SLC28A1: variants seen among roughly 807,000 people sequenced by gnomAD.
The protein encoded by SLC28A1 is solute carrier family 28 member 1.
Under a neutral mutation model 74.8 loss-of-function variants are expected in SLC28A1, and 64 were observed. The ratio of observed to expected loss-of-function variants is 0.86; its 90% CI spans 0.70 to 1.05. SLC28A1 has a LOEUF of 1.05. Among genes scored for constraint, SLC28A1 ranks in the 50% least tolerant of loss-of-function variants. The pLI, the probability that SLC28A1 is intolerant of heterozygous loss-of-function variation, is 0.00. For synonymous variants in SLC28A1, 359 were observed against 335.0 expected (o/e 1.07, Z -0.78); for missense variants, 828 against 822.8 (o/e 1.01, Z -0.08).
At chr15:84,948,888 A>G (rs779083997), downstream of SLC28A1, among the ~76,000 whole-genome samples, 2 of 152,162 alleles carry the variant, frequency 1.3e-5, no homozygotes, top group Admixed American at 1.3e-4. Context: ...TTGATTTTGC[A>G]TCAAAAAGTG....
the SLC28A1 span, among the ~76,000 whole-genome samples, chr15:84,952,155 C>T: frequency 6.6e-6 from 1 of 152,146 alleles, no homozygotes; most frequent in East Asian, 1.9e-4. Context: ...CTTCTCAGGT[C>T]CCCATCCTGC....
At chr15:84,911,273 C>G (rs1968171364) in intron 9 of SLC28A1, among the ~76,000 whole-genome samples, 1 of 152,222 alleles carries the variant, frequency 6.6e-6, no homozygotes, top group Admixed American at 6.5e-5. Flanking sequence ...GCTTGCATCT[C>G]TCCCTGAATC....
the SLC28A1 span, among the ~76,000 whole-genome samples, chr15:84,972,824 A>G: frequency 6.6e-6 from 1 of 152,260 alleles, no homozygotes; most frequent in Admixed American, 6.5e-5. Flanking sequence ...TTGAATGACC[A>G]CGTAATTTAC....
intron 12 of SLC28A1, 93 bp downstream of exon 12, chr15:84,924,203 A>G (rs1970206815): frequency 7.1e-7 from 1 of 1,416,764 alleles, no homozygotes; most frequent in Admixed American, 1.7e-5. Flanking sequence ...AGCAGCCCTC[A>G]GATCTTCTCT....
At chr15:84,948,006 A>G (rs993112551), downstream of SLC28A1, among the ~76,000 whole-genome samples, 1 of 151,642 alleles carries the variant, frequency 6.6e-6, no homozygotes, top group Non-Finnish European at 1.5e-5. Context: ...GGAAAAAAAA[A>G]CTGCGTGGAC....
chr15:84,887,767 A>G lies in SLC28A1; in HGVS notation c.7A>G (p.Asn3Asp). Reference protein sequence around the residue: MENDPSRRRESIS... With the variant: MEDDPSRRRESIS... Reference sequence around the variant, plus strand: ...CAGCTGGAAGGTCTGGGACATGGAGAACGACCCCTCGAGACGAAGAGAGTC... The same window carrying G: ...CAGCTGGAAGGTCTGGGACATGGAGGACGACCCCTCGAGACGAAGAGAGTC... The change falls in exon 3 of 19, where the codon AAC (asparagine) becomes GAC (aspartate). Residue 3 changes from asparagine to aspartate, a missense_variant. By Grantham distance (23) the Asn-to-Asp change is conservative. Coordinates refer to ENST00000394573, the MANE Select transcript of SLC28A1 (RefSeq NM_004213.5). The G allele has an allele frequency of 6.2e-7, 1 of 1,613,796 alleles. No homozygotes were observed. The highest frequency in any genetic ancestry group is 8.5e-7 in the Non-Finnish European group (1 of 1,179,862).
At chr15:84,896,164 G>A (rs1965976870) in intron 6 of SLC28A1, 1 of 155,926 alleles carries the variant, frequency 6.4e-6, no homozygotes, top group Non-Finnish European at 1.4e-5. Context: ...ACTTTCTGAT[G>A]CAACACACAC....
intron 15 of SLC28A1, among the ~76,000 whole-genome samples, 169 bp downstream of exon 15, chr15:84,935,687 G>C (rs7169869): frequency 6.6e-6 from 1 of 151,962 alleles, no homozygotes; most frequent in Non-Finnish European, 1.5e-5. Flanking sequence ...TTCAGGCTTC[G>C]CTGCCATCTT....
chr15:84,904,281 C>A (rs1256342710), intron 7 of SLC28A1, 43 bp downstream of exon 7: 2 of 1,611,384 alleles, frequency 1.2e-6, no homozygotes, highest in Non-Finnish European at 1.7e-6. Flanking sequence ...GTGTTTGCCT[C>A]TCTCTTCTGC....
the SLC28A1 span, among the ~76,000 whole-genome samples, chr15:84,968,940 C>T: frequency 1.3e-5 from 2 of 152,278 alleles, no homozygotes; most frequent in East Asian, 3.9e-4. Flanking sequence ...GGATCCTGAG[C>T]TGGGGCACCC....
intron 7 of SLC28A1, among the ~76,000 whole-genome samples, chr15:84,905,073 G>T (rs1596256729): frequency 6.6e-6 from 1 of 152,220 alleles, no homozygotes; most frequent in Non-Finnish European, 1.5e-5. Flanking sequence ...TGCTAGGAGG[G>T]GCGTGGGGTG....
chr15:84,939,085 T>C (rs562088213), intron 15 of SLC28A1, among the ~76,000 whole-genome samples: 1 of 152,236 alleles, frequency 6.6e-6, no homozygotes, highest in African/African-American at 2.4e-5. Context: ...TTTGGGAGGC[T>C]AAGGCAGGAG....
At chr15:84,934,989 AC>A (rs1303708324) in intron 13 of SLC28A1, 36 bp from the exon 14 acceptor site, 1 of 1,594,760 alleles carries the variant, frequency 6.3e-7, no homozygotes, top group East Asian at 2.2e-5. Flanking sequence ...GGTTGTGGAG[AC>A]AGGCCAGTAA....
At chr15:84,894,583 C>T (rs1965736132) in intron 5 of SLC28A1, among the ~76,000 whole-genome samples, 1 of 152,186 alleles carries the variant, frequency 6.6e-6, no homozygotes, top group Non-Finnish European at 1.5e-5. Context: ...ATGGGCTCGT[C>T]TCCTTCCTCC....
At chr15:84,944,907 T>A in intron 18 of SLC28A1, 40 bp downstream of exon 18, 1 of 1,408,568 alleles carries the variant, frequency 7.1e-7, no homozygotes, top group Non-Finnish European at 1.0e-6. Flanking sequence ...GCACCCACAG[T>A]GATAGACAGA....
chr15:84,906,524 G>GTTTCTTTCTTTCTTTCTTTCTTTC (rs1206034521), intron 8 of SLC28A1, among the ~76,000 whole-genome samples: 2 of 58,776 alleles, frequency 3.4e-5, no homozygotes, highest in African/African-American at 1.6e-4. Context: ...TTGTTTGTTT[G>GTTTCTTTCTTTCTTTCTTTCTTTC]TTTGTTTCTT....
the SLC28A1 span, among the ~76,000 whole-genome samples, chr15:84,952,891 TAAAGA>T: frequency 6.6e-6 from 1 of 152,158 alleles, no homozygotes; most frequent in Non-Finnish European, 1.5e-5. Flanking sequence ...TAATAAAGTA[TAAAGA>T]AAAGTTATTT....
At chr15:84,915,929 C>CTGT (rs71466061) in intron 9 of SLC28A1, among the ~76,000 whole-genome samples, 1 of 149,302 alleles carries the variant, frequency 6.7e-6, no homozygotes, top group Non-Finnish European at 1.5e-5. Context: ...CCACCTCAAC[C>CTGT]TGTTGTTGTT....
intron 6 of SLC28A1, among the ~76,000 whole-genome samples, chr15:84,900,321 C>T (rs1966529058): frequency 7.0e-6 from 1 of 142,618 alleles, no homozygotes; most frequent in African/African-American, 2.7e-5. Flanking sequence ...CAGAGTGAGA[C>T]ACTGTCTCAA....
Sources: gnomAD v4.1 joint callset for allele counts (sites outside exome capture counted in the v4.1 genomes callset) on GRCh38, gnomAD v4.1.1 for gene constraint, MANE v1.5 for transcripts, NCBI Gene and HGNC (gene_info 2026-07-23, HGNC 2026-07-21) for gene names.